The following MFN2 variants were observed in gnomAD, a reference collection of about 807,000 sequenced individuals.
MFN2 encodes mitofusin 2.
MFN2 carries 43 observed loss-of-function variants against 87.5 expected under a neutral mutation model. The observed-to-expected ratio is 0.49, with a 90% CI of 0.38 to 0.63. The LOEUF (loss-of-function observed/expected upper bound fraction) is 0.63. MFN2 is among the 30% of genes least tolerant of loss of function. The pLI is 0.00. For synonymous variants in MFN2, 337 were observed against 359.9 expected, an observed-to-expected ratio of 0.94 and a Z score of 0.72; for missense variants, 743 against 972.8, an observed-to-expected ratio of 0.76 and a Z score of 3.14.
At position 12,004,822 on chromosome 1, in the gene MFN2, C is replaced by T. The variant is rs1639331118; in HGVS notation, c.1393-3C>T. On this transcript the variant is annotated splice_region_variant and splice_polypyrimidine_tract_variant and intron_variant, in intron 13 of 18. Transcript: ENST00000235329. The surrounding 1 kb of genome is among the most constrained non-coding windows in gnomAD (Gnocchi z 4.2). ...TCTCTTAACTTCCCTCTTCTGGTGGCAGGAGCTGCACCGCCACATAGAGGA... is the reference window on the plus strand; with the variant it reads ...TCTCTTAACTTCCCTCTTCTGGTGGTAGGAGCTGCACCGCCACATAGAGGA... 1 of 1,613,406 alleles carries T rather than the reference C, an allele frequency of 6.2e-7. No homozygotes were observed. The highest frequency in any genetic ancestry group is 2.2e-5 in the East Asian group (1 of 44,848).
intron 9 of MFN2, 55 bp downstream of exon 9, chr1:12,001,609 C>A: frequency 6.2e-7 from 1 of 1,612,666 alleles, no homozygotes; most frequent in Non-Finnish European, 8.5e-7. Context: ...CATTTTGTCT[C>A]GTGCTGAGGA....
In MFN2 at chr1:12,009,586, C is replaced by A. The variant is rs752898934; in HGVS notation, c.2070-6C>A. The stretch of plus-strand genomic sequence containing the variant: ...CCCAACTGGGTCCCTTCTCTCTCCT[C>A]CCCAGGGAACTGTCTGGGACCTTTG... On this transcript the variant is annotated splice_region_variant and splice_polypyrimidine_tract_variant and intron_variant, in intron 17 of 18. Coordinates refer to ENST00000235329, the MANE Select transcript of MFN2 (RefSeq NM_014874.4). 1 of 1,614,186 alleles carries A rather than the reference C, an allele frequency of 6.2e-7. No homozygotes were observed. The highest frequency in any genetic ancestry group is 2.2e-5 in the East Asian group (1 of 44,890).
At chr1:11,985,616 G>A (rs750096870) in intron 2 of MFN2, among the ~76,000 whole-genome samples, 3 of 151,932 alleles carry the variant, frequency 2.0e-5, no homozygotes, top group Non-Finnish European at 4.4e-5. Flanking sequence ...ACAGGCATGC[G>A]CCACCACACC....
chr1:11,998,690 C>G (rs922190766), intron 6 of MFN2, 80 bp from the exon 7 acceptor site: 29 of 1,324,650 alleles, frequency 2.2e-5, no homozygotes, highest in Non-Finnish European at 2.9e-5. Context: ...GCCTGCCTCA[C>G]AAGTCCCAGG....
At chr1:11,986,723 T>G (rs1456027130) in intron 2 of MFN2, among the ~76,000 whole-genome samples, 1 of 151,844 alleles carries the variant, frequency 6.6e-6, no homozygotes, top group Non-Finnish European at 1.5e-5. Flanking sequence ...CCCGAGTAGC[T>G]GGGATTACAG....
chr1:12,013,475 A>T lies in MFN2; in HGVS notation c.*1910A>T. ...TTACTCCTGTATCATTGCTCATAAT[A>T]TTGGAAACTAAAATAAAACCTAGTT... is the stretch of plus-strand genomic sequence containing the variant. On this transcript the variant is annotated 3_prime_UTR_variant, in exon 19 of 19. Coordinates refer to ENST00000235329, the MANE Select transcript of MFN2 (RefSeq NM_014874.4). 2 of 405,392 alleles carry T rather than the reference A, an allele frequency of 4.9e-6. No individual in the cohort carries two copies. Among genetic ancestry groups the T allele is most frequent in the Non-Finnish European group, 1.0e-5 (2 of 196,266 alleles). The allele number at this position is 405,392 out of a possible 1,614,324, so 25.1% of individuals were successfully genotyped here. A position where few individuals can be genotyped will look rare whatever the true frequency, so the allele number is the denominator to read the frequency against.
chr1:12,007,336 C>T, intron 17 of MFN2, 87 bp downstream of exon 17: 1 of 1,506,932 alleles, frequency 6.6e-7, no homozygotes, highest in Non-Finnish European at 9.0e-7. Flanking sequence ...TCCCACGTGG[C>T]CTGGAAGCCA....
chr1:12,004,752 G>A lies in MFN2; in HGVS notation c.1393-73G>A, dbSNP rs1639328332. The A allele has an allele frequency of 4.6e-6, 7 of 1,528,804 alleles. No homozygotes were observed. The highest frequency in any genetic ancestry group is 5.4e-6 in the Non-Finnish European group (6 of 1,105,630). 94.7% of individuals were successfully genotyped at this position (1,528,804 alleles called of 1,614,324 possible). On this transcript the variant is annotated intron_variant, in intron 13 of 18. Transcript: ENST00000235329. The surrounding 1 kb of genome is among the most constrained non-coding windows in gnomAD (Gnocchi z 4.2). ...CCCAGGCTTCCGTCAGCCTTCTGGG[G>A]TCACCTGGTGGATGTGGCCTGAAGG...
chr1:12,009,373 G>A (rs543149971), intron 17 of MFN2, among the ~76,000 whole-genome samples: 2 of 152,324 alleles, frequency 1.3e-5, no homozygotes, highest in East Asian at 1.9e-4. Context: ...GCTCTGTGCT[G>A]TTGCTTCTCA....
chr1:11,991,726 C>T (rs1638685361), intron 3 of MFN2, among the ~76,000 whole-genome samples: 1 of 151,678 alleles, frequency 6.6e-6, no homozygotes, highest in Non-Finnish European at 1.5e-5. Context: ...AGATCGAGAC[C>T]ATCCCGGCTA....
At chr1:11,998,622 C>A (rs534521928) in intron 6 of MFN2, 148 bp from the exon 7 acceptor site, 7 of 774,468 alleles carry the variant, frequency 9.0e-6, no homozygotes. Flanking sequence ...AAGTAAAATC[C>A]GTTAATGAGG....
In MFN2 at chr1:12,004,977, A is replaced by G. The variant is rs1639340470; in HGVS notation, c.1495+50A>G. The G allele has an allele frequency of 6.9e-7, 1 of 1,457,726 alleles. No homozygotes were observed. The highest frequency in any genetic ancestry group is 1.4e-5 in the African/African-American group (1 of 71,182). 90.3% of individuals were successfully genotyped at this position (1,457,726 alleles called of 1,614,324 possible). A position where few individuals can be genotyped will look rare whatever the true frequency, so the allele number is the denominator to read the frequency against. On this transcript the variant is annotated intron_variant, in intron 14 of 18. Coordinates refer to ENST00000235329, the MANE Select transcript of MFN2 (RefSeq NM_014874.4). This position sits in a 1 kb window ranked among gnomAD's most constrained non-coding sequence, Gnocchi z 4.2. The stretch of plus-strand genomic sequence containing the variant: ...AGCTGTGGCCCTGGGCTGCCCAAAG[A>G]TCAGATGCGGAGGCCAAGCTAAAGA...
intron 10 of MFN2, 56 bp from the exon 11 acceptor site, chr1:12,001,926 C>T: frequency 6.2e-7 from 1 of 1,614,146 alleles, no homozygotes; most frequent in Non-Finnish European, 8.5e-7. Flanking sequence ...GAGTCTGGCC[C>T]TTGGTTGTAG....
chr1:11,995,199 T>A (rs1312590032), intron 4 of MFN2, among the ~76,000 whole-genome samples: 1 of 152,048 alleles, frequency 6.6e-6, no homozygotes, highest in Non-Finnish European at 1.5e-5. Context: ...TGGTCGAGGC[T>A]GCAGTGAGCT....
intron 3 of MFN2, among the ~76,000 whole-genome samples, chr1:11,990,219 G>A (rs1294114670): frequency 1.3e-5 from 2 of 152,172 alleles, no homozygotes; most frequent in African/African-American, 4.8e-5. Flanking sequence ...TACATGCCAG[G>A]CTGCTACACG....
intron 17 of MFN2, 79 bp from the exon 18 acceptor site, chr1:12,009,513 C>T: frequency 1.3e-6 from 2 of 1,599,810 alleles, no homozygotes; most frequent in Non-Finnish European, 8.6e-7. Flanking sequence ...CCCAGCTGCT[C>T]CCTACTGTGG....
intron 16 of MFN2, 67 bp downstream of exon 16, chr1:12,006,760 T>G: frequency 1.2e-6 from 2 of 1,604,928 alleles, no homozygotes; most frequent in Admixed American, 3.3e-5. Context: ...GAGGGCTAGG[T>G]TCCTGCTGTG....
At chr1:12,010,278 A>G (rs1639635014) in intron 18 of MFN2, among the ~76,000 whole-genome samples, 1 of 152,270 alleles carries the variant, frequency 6.6e-6, no homozygotes, top group South Asian at 2.1e-4. Flanking sequence ...ATGGCATCAC[A>G]GTACTGCGAG....
chr1:12,000,847 AG>A (rs543667241), intron 8 of MFN2, among the ~76,000 whole-genome samples: 65 of 152,306 alleles, frequency 4.3e-4, no homozygotes, highest in African/African-American at 1.5e-3. Flanking sequence ...GAGGCAGTCT[AG>A]GGCACGTTTA....
Sources: allele counts gnomAD v4.1 joint callset (sites outside exome capture counted in the v4.1 genomes callset), GRCh38; gene constraint gnomAD v4.1.1; non-coding constraint Gnocchi (gnomAD v3.1); transcripts MANE v1.5; gene names NCBI Gene and HGNC (gene_info 2026-07-23, HGNC 2026-07-21).